Variants in USP39 observed in about 807,000 individuals in gnomAD.
USP39 encodes the protein ubiquitin specific peptidase 39, also known as ubiquitin carboxyl-terminal hydrolase 39.
Under a neutral mutation model 66.4 loss-of-function variants are expected in USP39, and 38 were observed. That is an observed-to-expected ratio of 0.57 (90% CI 0.44 to 0.75). The LOEUF is 0.75. USP39 is among the 30% of genes least tolerant of loss of function. The pLI is 0.00. For missense variants in USP39, 608 were observed against 714.4 expected (o/e 0.85, Z 1.70); for synonymous variants, 303 against 274.6 (o/e 1.10, Z -1.02).
intron 1 of USP39, among the ~76,000 whole-genome samples, chr2:85,604,838 T>G (rs2104126003): frequency 6.6e-6 from 1 of 152,318 alleles, no homozygotes; most frequent in South Asian, 2.1e-4. Context: ...CCAATCAAGA[T>G]GAAGGCCTGA....
At chr2:85,609,197 G>A, upstream of USP39, 1 of 1,344,026 alleles carries the variant, frequency 7.4e-7, no homozygotes, top group Non-Finnish European at 1.0e-6. Flanking sequence ...CATTTCCTAT[G>A]TGTCTCCTGT....
upstream of USP39, chr2:85,611,193 G>A (rs930707395): frequency 5.4e-6 from 6 of 1,111,608 alleles, no homozygotes; most frequent in African/African-American, 8.4e-5. Flanking sequence ...GGGCGACAGA[G>A]ACCTAGTCTC....
intron 4 of USP39, among the ~76,000 whole-genome samples, chr2:85,624,934 G>A (rs555167317): frequency 2.7e-5 from 4 of 148,576 alleles, no homozygotes; most frequent in Non-Finnish European, 4.4e-5. Context: ...TGGCACTCTA[G>A]TCTAGGCAAC....
Position 85,636,035 on chromosome 2 carries a change from C to T in USP39, c.950-18C>T, listed in dbSNP as rs1675742043. On this transcript the variant is annotated intron_variant, in intron 6 of 12. Coordinates refer to ENST00000323701, the MANE Select transcript of USP39 (RefSeq NM_006590.4). ...TGCCACTTAGCTTCAACGTTTTCCA[C>T]CCTTCCTTTTTTTCCAGGAGATGGC... 23 of 1,613,702 alleles carry T rather than the reference C, an allele frequency of 1.4e-5. No homozygotes were observed. Among genetic ancestry groups the T allele is most frequent in the East Asian group, 8.9e-5 (4 of 44,880 alleles).
chr2:85,640,227 G>C (rs897313815), intron 9 of USP39, among the ~76,000 whole-genome samples: 3 of 151,992 alleles, frequency 2.0e-5, no homozygotes, highest in African/African-American at 7.2e-5. Context: ...GCCTGCCTCT[G>C]GGGTAGTATA....
At chr2:85,615,141 C>T (rs1239305348), upstream of USP39, among the ~76,000 whole-genome samples, 2 of 152,100 alleles carry the variant, frequency 1.3e-5, no homozygotes, top group Admixed American at 6.5e-5. Context: ...CTGCCTCAGC[C>T]TCCTAAGTAG....
At chr2:85,645,400 C>T (rs955658785) in intron 11 of USP39, 11 of 203,372 alleles carry the variant, frequency 5.4e-5, no homozygotes, top group Admixed American at 1.2e-4. Context: ...CTCAGCCTCC[C>T]GAATAGCTGG....
intron 5 of USP39, among the ~76,000 whole-genome samples, chr2:85,629,251 C>T (rs570962317): frequency 7.3e-5 from 11 of 151,544 alleles, no homozygotes; most frequent in Non-Finnish European, 1.6e-4. Flanking sequence ...TTAGTAGAGA[C>T]GGTTTCACCA....
chr2:85,615,107 G>A (rs911585769), upstream of USP39, among the ~76,000 whole-genome samples: 2 of 151,992 alleles, frequency 1.3e-5, no homozygotes, highest in Non-Finnish European at 2.9e-5. Context: ...TGCAACCTCC[G>A]CCTCCCGGGT....
At chr2:85,611,410 G>C, upstream of USP39, 1 of 1,503,556 alleles carries the variant, frequency 6.7e-7, no homozygotes, top group African/African-American at 1.4e-5. Flanking sequence ...AATACAGCAC[G>C]GTGGGGCAAA....
intron 1 of USP39, among the ~76,000 whole-genome samples, chr2:85,617,213 C>T (rs1211835470): frequency 6.6e-6 from 1 of 151,868 alleles, no homozygotes; most frequent in Non-Finnish European, 1.5e-5. Flanking sequence ...CTCGGCCTCC[C>T]AAAGTGCTGG....
At chr2:85,636,193 C>T (rs966119189) in intron 7 of USP39, 63 bp downstream of exon 7, 9 of 1,481,310 alleles carry the variant, frequency 6.1e-6, no homozygotes, top group East Asian at 2.3e-5. Context: ...TGCGGTCGGT[C>T]GCAATGGCTC....
chr2:85,634,438 A>G (rs940432767), intron 6 of USP39, among the ~76,000 whole-genome samples: 4 of 152,072 alleles, frequency 2.6e-5, no homozygotes, highest in Non-Finnish European at 5.9e-5. Context: ...GCCGGGCATG[A>G]TGGCACACGC....
chr2:85,640,097 C>T (rs989294523), intron 9 of USP39, among the ~76,000 whole-genome samples: 2 of 151,976 alleles, frequency 1.3e-5, no homozygotes, highest in Non-Finnish European at 2.9e-5. Context: ...TTCTTTAACT[C>T]CTGGCCTCAA....
At chr2:85,625,173 G>A (rs147907018) in intron 4 of USP39, among the ~76,000 whole-genome samples, 353 of 152,236 alleles carry the variant, frequency 2.3e-3, no homozygotes, top group African/African-American at 7.9e-3. Flanking sequence ...AAACTCTCCT[G>A]CTCCAAAGCT....
chr2:85,606,204 G>A (rs976389799), intron 1 of USP39, among the ~76,000 whole-genome samples: 3 of 152,164 alleles, frequency 2.0e-5, no homozygotes, highest in Admixed American at 2.0e-4. Flanking sequence ...CAATTACATC[G>A]TATCTAGTCA....
At chr2:85,617,110 ATTT>A (rs112788398) in intron 1 of USP39, among the ~76,000 whole-genome samples, 4 of 133,686 alleles carry the variant, frequency 3.0e-5, no homozygotes, top group Non-Finnish European at 4.9e-5. Context: ...TTAAAAAAGA[ATTT>A]TTTTTTTTTT....
chr2:85,634,286 A>G (rs1205500898), intron 6 of USP39, among the ~76,000 whole-genome samples: 1 of 151,546 alleles, frequency 6.6e-6, no homozygotes, highest in Non-Finnish European at 1.5e-5. Context: ...TGAAATCTTA[A>G]TCTGGGGCCA....
At chr2:85,623,276 A>G (rs1381366616) in intron 3 of USP39, among the ~76,000 whole-genome samples, 1 of 151,982 alleles carries the variant, frequency 6.6e-6, no homozygotes, top group African/African-American at 2.4e-5. Flanking sequence ...ATTTATGCAC[A>G]CATATATGCA....
Sources: allele counts gnomAD v4.1 joint callset (sites outside exome capture counted in the v4.1 genomes callset), GRCh38; gene constraint gnomAD v4.1.1; transcripts MANE v1.5; gene names NCBI Gene and HGNC (gene_info 2026-07-23, HGNC 2026-07-21).